DHRSX: variants seen among roughly 807,000 people sequenced by gnomAD.
DHRSX encodes the protein polyprenol dehydrogenase.
Under a neutral mutation model 34.0 loss-of-function variants are expected in DHRSX, and 31 were observed. The observed-to-expected ratio is 0.91, with a 90% confidence interval of 0.69 to 1.23. DHRSX has a LOEUF of 1.23. Ranked by LOEUF, DHRSX falls within the 50% of genes most tolerant of loss-of-function variation. DHRSX has a pLI of 0.00. For missense variants in DHRSX, 414 were observed against 428.1 expected, an observed-to-expected ratio of 0.97 and a Z score of 0.29; for synonymous variants, 201 against 183.8, an observed-to-expected ratio of 1.09 and a Z score of -0.76.
At chrX:2,485,934 A>G (rs1022916016) in intron 1 of DHRSX, among the ~76,000 whole-genome samples, 1 of 150,456 alleles carries the variant, frequency 6.6e-6, no homozygotes, top group Non-Finnish European at 1.5e-5. Context: ...GAAGGAAGAA[A>G]GGAAGGATTT....
At chrX:2,344,865 AAAG>A (rs1308131664) in intron 3 of DHRSX, among the ~76,000 whole-genome samples, 17 of 123,002 alleles carry the variant, frequency 1.4e-4, no homozygotes, top group South Asian at 2.6e-4. Flanking sequence ...AAGTATATAA[AAAG>A]AAGCATATAT....
intron 1 of DHRSX, among the ~76,000 whole-genome samples, chrX:2,493,828 G>A (rs2045218189): frequency 6.6e-6 from 1 of 152,036 alleles, no homozygotes; most frequent in South Asian, 2.1e-4. Context: ...AATTAGCCGG[G>A]CGTGGTAGTG....
At chrX:2,295,067 G>A (rs765470200) in intron 3 of DHRSX, among the ~76,000 whole-genome samples, 163 of 152,156 alleles carry the variant, frequency 1.1e-3, no homozygotes, top group African/African-American at 3.4e-3. Context: ...CATCAATCCC[G>A]TTACTGGGTA....
intron 1 of DHRSX, among the ~76,000 whole-genome samples, chrX:2,459,781 T>C (rs2044377638): frequency 6.6e-6 from 1 of 151,972 alleles, no homozygotes; most frequent in African/African-American, 2.4e-5. Flanking sequence ...CTCCAAGTTG[T>C]CAAGGAAAGG....
rs142441620 is a variant in DHRSX, at chrX:2,361,652, G to A, written c.286+47093C>T. On this transcript the variant is annotated intron_variant, in intron 3 of 6. Coordinates refer to ENST00000334651, the MANE Select transcript of DHRSX (RefSeq NM_145177.3). The stretch of plus-strand genomic sequence containing the variant: ...GATACAGAGAGCTGGAGTTCCATCA[G>A]TTCAGCCTGGTTAATGTGTCGTTTC... Among the ~76,000 whole-genome samples the A allele has an allele frequency of 1.3e-3, 205 of 152,280 alleles. 5 individuals are homozygous for A. In the East Asian group the frequency reaches 0.036, roughly 27 times the overall value.
intron 4 of DHRSX, among the ~76,000 whole-genome samples, chrX:2,283,689 G>A (rs2041762343): frequency 6.6e-6 from 1 of 152,178 alleles, no homozygotes; most frequent in Non-Finnish European, 1.5e-5. Context: ...TAACTCTCAT[G>A]GGTCTTGTAG....
chrX:2,489,815 G>A (rs1341231335), intron 1 of DHRSX: 1 of 1,613,588 alleles, frequency 6.2e-7, no homozygotes, highest in South Asian at 1.1e-5. Flanking sequence ...GAGCTGGAAG[G>A]CCTGCTGGAT....
intron 4 of DHRSX, among the ~76,000 whole-genome samples, chrX:2,273,552 G>A (rs1208881919): frequency 6.6e-6 from 1 of 152,176 alleles, no homozygotes; most frequent in African/African-American, 2.4e-5. Context: ...TAGAGACTGA[G>A]GGTGGGGCTG....
At chrX:2,358,756 G>C in intron 3 of DHRSX, among the ~76,000 whole-genome samples, 1 of 152,194 alleles carries the variant, frequency 6.6e-6, no homozygotes, top group Middle Eastern at 3.4e-3. Flanking sequence ...TTTAAATCCA[G>C]TTTGGAAAGA....
At chrX:2,302,439 G>A (rs922288639) in intron 3 of DHRSX, among the ~76,000 whole-genome samples, 2 of 151,908 alleles carry the variant, frequency 1.3e-5, no homozygotes, top group Admixed American at 6.6e-5. Context: ...CGGTGAAACT[G>A]CATCTCTACT....
chrX:2,334,170 C>CTTTTTTTTTTTTTTTTTTTTT (rs778057545), intron 3 of DHRSX: 1 of 105,112 alleles, frequency 9.5e-6, no homozygotes, highest in African/African-American at 4.1e-5. Flanking sequence ...CAAAAGTATG[C>CTTTTTTTTTTTTTTTTTTTTT]TTTTTTTTTT....
At chrX:2,313,732 C>T (rs1158346808) in intron 3 of DHRSX, among the ~76,000 whole-genome samples, 5 of 152,012 alleles carry the variant, frequency 3.3e-5, no homozygotes, top group Non-Finnish European at 5.9e-5. Flanking sequence ...TTATTCTGAG[C>T]GAAATATGAG....
chrX:2,466,779 T>G (rs1396593233), intron 1 of DHRSX, among the ~76,000 whole-genome samples: 1 of 151,288 alleles, frequency 6.6e-6, no homozygotes, highest in Non-Finnish European at 1.5e-5. Flanking sequence ...GAAATCAAAG[T>G]GAAAAAAGTA....
In DHRSX at chrX:2,474,764, C is replaced by T. The variant is rs1286220745; in HGVS notation, c.109+26053G>A. On this transcript the variant is annotated intron_variant, in intron 1 of 6. Coordinates refer to ENST00000334651, the MANE Select transcript of DHRSX (RefSeq NM_145177.3). ...CCCTAAGAATGCAGCTAAAAGATGG[C>T]ACTGAAGACGTTCCCTAAGCATGTG... 2.0e-5 allele frequency among the ~76,000 whole-genome samples: 3 copies of T among 151,576 alleles called. No homozygotes were observed. In the South Asian group the frequency reaches 6.3e-4, roughly 32 times the overall value.
intron 3 of DHRSX, among the ~76,000 whole-genome samples, chrX:2,316,002 C>A (rs2042237688): frequency 6.6e-6 from 1 of 152,104 alleles, no homozygotes; most frequent in African/African-American, 2.4e-5. Flanking sequence ...GCTGGGATTA[C>A]AGGTGCCTGC....
intron 1 of DHRSX, chrX:2,488,921 AG>A: frequency 3.7e-6 from 6 of 1,602,154 alleles, no homozygotes; most frequent in Non-Finnish European, 5.1e-6. Flanking sequence ...CTTGGGCAGC[AG>A]GGGGAAGAGG....
chrX:2,408,484 GAGT>G (rs2043586549), intron 3 of DHRSX, among the ~76,000 whole-genome samples: 3 of 152,142 alleles, frequency 2.0e-5, no homozygotes, highest in African/African-American at 7.2e-5. Flanking sequence ...ACACACATTT[GAGT>G]AAGAGTGCAA....
intron 1 of DHRSX, among the ~76,000 whole-genome samples, chrX:2,497,332 G>A (rs2045310441): frequency 6.6e-6 from 1 of 152,210 alleles, no homozygotes; most frequent in African/African-American, 2.4e-5. Context: ...GGCAGAGGTT[G>A]TGGTGAGCTG....
At chrX:2,291,629 A>G in intron 3 of DHRSX, 26 bp from the exon 4 acceptor site, 2 of 1,550,948 alleles carry the variant, frequency 1.3e-6, no homozygotes, top group Non-Finnish European at 1.8e-6. Context: ...AACAAAAAAT[A>G]CCTGGTTATC....
Sources: allele counts gnomAD v4.1 joint callset (sites outside exome capture counted in the v4.1 genomes callset), GRCh38; gene constraint gnomAD v4.1.1; transcripts MANE v1.5; gene names NCBI Gene and HGNC (gene_info 2026-07-23, HGNC 2026-07-21).